PCNX2: variants seen among roughly 807,000 people sequenced by gnomAD.
The protein encoded by PCNX2 is pecanex-like protein 2.
In PCNX2, 168 loss-of-function variants were observed where a neutral mutation model predicts 223.8. The observed-to-expected ratio is 0.75, with a 90% CI of 0.66 to 0.85. The LOEUF (loss-of-function observed/expected upper bound fraction) is 0.85. Among genes scored for constraint, PCNX2 ranks in the 40% least tolerant of loss-of-function variants. The probability of loss-of-function intolerance (pLI) is 0.00; values close to 1 mark genes in which losing one functional copy is unlikely to be tolerated. For missense variants in PCNX2, 2,507 were observed against 2,675.5 expected (o/e 0.94, Z 1.39); for synonymous variants, 1,006 against 1,052.6 (o/e 0.96, Z 0.86).
rs1571865510 is a variant in PCNX2, at chr1:233,099,050, G to C, written c.3838-3187C>G. 1.3e-5 allele frequency among the ~76,000 whole-genome samples: 2 copies of C among 152,202 alleles called. 1 individual carries two copies. The highest frequency in any genetic ancestry group is 3.8e-4 in the East Asian group (2 of 5,198). On this transcript the variant is annotated intron_variant, in intron 21 of 33. Transcript: ENST00000258229. ...CAAGTCCAGGTCCTCTCATTTTTCA[G>C]AGAAGGAAACCAGGCTCAGAGAGAT...
chr1:233,244,292 C>T (rs932682459), intron 8 of PCNX2, among the ~76,000 whole-genome samples: 1 of 152,180 alleles, frequency 6.6e-6, no homozygotes, highest in Admixed American at 6.5e-5. Flanking sequence ...CGAGACAAAA[C>T]TTGTGTTCAC....
chr1:233,074,376 C>T (rs946535862), intron 23 of PCNX2, among the ~76,000 whole-genome samples: 5 of 151,934 alleles, frequency 3.3e-5, no homozygotes, highest in African/African-American at 9.7e-5. Flanking sequence ...GGGCAGATCA[C>T]GAGGTCAGGA....
the PCNX2 span, among the ~76,000 whole-genome samples, chr1:233,316,208 C>A: frequency 6.6e-6 from 1 of 152,148 alleles, no homozygotes; most frequent in South Asian, 2.1e-4. Context: ...TACAAAAATT[C>A]TAAAAATCAC....
intron 28 of PCNX2, among the ~76,000 whole-genome samples, chr1:233,009,280 C>T (rs781735898): frequency 8.5e-5 from 13 of 152,136 alleles, no homozygotes; most frequent in Non-Finnish European, 1.9e-4. Flanking sequence ...GTTATTTTCA[C>T]CCCTGAACTA....
chr1:233,042,903 A>G lies in PCNX2; in HGVS notation c.4351+11365T>C, dbSNP rs536287529. Among the ~76,000 whole-genome samples, 4 of 152,344 alleles carry G rather than the reference A, an allele frequency of 2.6e-5. No individual in the cohort carries two copies. The South Asian group carries it at 8.3e-4, about 32-fold the overall frequency. On this transcript the variant is annotated intron_variant, in intron 25 of 33. Coordinates refer to ENST00000258229, the MANE Select transcript of PCNX2 (RefSeq NM_014801.4). ...TACAAATTCCAAACAAATACCTGAAAGGAGGAATGAAAGAAGAAGGTGAAA... is the reference window on the plus strand; with the variant it reads ...TACAAATTCCAAACAAATACCTGAAGGGAGGAATGAAAGAAGAAGGTGAAA...
intron 23 of PCNX2, among the ~76,000 whole-genome samples, chr1:233,081,435 C>T (rs567792220): frequency 6.6e-5 from 10 of 152,290 alleles, no homozygotes; most frequent in Admixed American, 5.9e-4. Context: ...TTCAGAACCT[C>T]GGATGGTCAC....
In PCNX2 at chr1:233,293,876, T is replaced by C. The variant is rs900648648; in HGVS notation, c.153+1450A>G. 10 of 837,636 alleles carry C rather than the reference T, an allele frequency of 1.2e-5. No individual in the cohort carries two copies. The African/African-American group carries it at 1.7e-4, about 14-fold the overall frequency. The allele number at this position is 837,636 out of a possible 1,614,324, so 51.9% of individuals were successfully genotyped here. ...GATTTCACCCTGGTGAGGGCTGTGC[T>C]CCTCATGACTTTGCTATGCTGTCCC... On this transcript the variant is annotated intron_variant, in intron 1 of 33. Coordinates refer to ENST00000258229, the MANE Select transcript of PCNX2 (RefSeq NM_014801.4).
intron 21 of PCNX2, among the ~76,000 whole-genome samples, chr1:233,128,673 G>A (rs903488186): frequency 2.0e-5 from 3 of 152,130 alleles, no homozygotes; most frequent in Non-Finnish European, 4.4e-5. Context: ...GCCAGTGCGA[G>A]GTCATGAAAG....
rs1674130028 is a variant in PCNX2, at chr1:233,095,836, A to G, written c.3865T>C (p.Phe1289Leu). ...KLGDLLHKLQ[F>L]VLTYVAPWQM... ...CAAGGAGCCACATATGTCAGGACGA[A>G]CTGTAACTTGTGAAGCAGGTCCCCG... Residue 1289 changes from phenylalanine (F) to leucine (L), a missense_variant, in exon 22 of 34, where the codon TTC becomes CTC. This residue lies in a region of PCNX2 where 1,372 missense variants were observed against 1,509.4 expected (regional missense o/e 0.91). Transcript: ENST00000258229. 1 of 1,611,836 alleles carries G rather than the reference A, an allele frequency of 6.2e-7. No homozygotes were observed. Among genetic ancestry groups the G allele is most frequent in the African/African-American group, 1.3e-5 (1 of 75,002 alleles).
chr1:233,258,099 G>A lies in PCNX2; in HGVS notation c.1763C>T (p.Thr588Ile), dbSNP rs188886692. 16 of 1,613,984 alleles carry A rather than the reference G, an allele frequency of 9.9e-6. No individual in the cohort carries two copies. The highest frequency in any genetic ancestry group is 6.7e-5 in the African/African-American group (5 of 75,056). Residue 588 changes from threonine to isoleucine, a missense_variant, in exon 5 of 34, where the codon ACT becomes ATT. This residue lies in a region of PCNX2 where 1,031 missense variants were observed against 1,021.7 expected (regional missense o/e 1.01). Coordinates refer to ENST00000258229, the MANE Select transcript of PCNX2 (RefSeq NM_014801.4). ...TTGACTGGATGCCGTCATCTTGGAA[G>A]TATTAATGGATTCTAACAGGGAGAC... ...EFVSLLESIN[T>I]SKMTASSQLN...
intron 21 of PCNX2, among the ~76,000 whole-genome samples, chr1:233,129,663 C>T (rs193293795): frequency 3.3e-5 from 5 of 152,294 alleles, no homozygotes; most frequent in African/African-American, 7.2e-5. Context: ...GTGTCTAGCT[C>T]GGAGTTTGTG....
At chr1:233,298,834 A>G (rs1178573591), upstream of PCNX2, among the ~76,000 whole-genome samples, 1 of 152,168 alleles carries the variant, frequency 6.6e-6, no homozygotes, top group Non-Finnish European at 1.5e-5. Context: ...GTGAGCCAGG[A>G]TCATGCCACT....
At chr1:233,132,978 A>C (rs1368381315) in intron 21 of PCNX2, among the ~76,000 whole-genome samples, 1 of 147,036 alleles carries the variant, frequency 6.8e-6, no homozygotes, top group Non-Finnish European at 1.5e-5. Context: ...GGCTCACTGC[A>C]ACCTCCACCT....
At chr1:233,116,442 A>C (rs1330541463) in intron 21 of PCNX2, among the ~76,000 whole-genome samples, 1 of 152,142 alleles carries the variant, frequency 6.6e-6, no homozygotes, top group Non-Finnish European at 1.5e-5. Context: ...AAAAGAAATG[A>C]AATCATACAG....
chr1:233,091,602 G>A (rs936184659), intron 22 of PCNX2, among the ~76,000 whole-genome samples: 3 of 151,948 alleles, frequency 2.0e-5, no homozygotes, highest in African/African-American at 4.8e-5. Context: ...GCATTGTGGT[G>A]CACACCTGCA....
intron 25 of PCNX2, among the ~76,000 whole-genome samples, chr1:233,052,067 T>TCTATAG (rs1343407952): frequency 4.6e-5 from 7 of 152,198 alleles, no homozygotes; most frequent in Non-Finnish European, 1.0e-4. Context: ...GTTTTATCAC[T>TCTATAG]AGTTCCCTGT....
chr1:233,141,733 G>GTA (rs140456696), intron 19 of PCNX2, among the ~76,000 whole-genome samples: 12 of 151,038 alleles, frequency 7.9e-5, no homozygotes, highest in Admixed American at 2.6e-4. Context: ...GTGTAAATGT[G>GTA]TATATATATA....
At position 233,014,721 on chromosome 1, in the gene PCNX2, G is replaced by A; in HGVS notation, c.4896C>T (p.Ala1632=). The change falls in exon 28 of 34, where the codon GCC becomes GCT. Residue 1632 remains alanine, a synonymous_variant. Coordinates refer to ENST00000258229, the MANE Select transcript of PCNX2 (RefSeq NM_014801.4). ...GAGCTCTCCTCCCCAGGGTGCACAG[G>A]GCGAAGGACAGAGTCACCAAGGGAG... ...EDSPLVTLSF[A]LCTLGRRALG... The A allele has an allele frequency of 6.2e-7, 1 of 1,613,996 alleles. No homozygotes were observed. Among genetic ancestry groups the A allele is most frequent in the South Asian group, 1.1e-5 (1 of 91,086 alleles).
upstream of PCNX2, among the ~76,000 whole-genome samples, chr1:233,299,072 G>A (rs1662218629): frequency 6.6e-6 from 1 of 152,026 alleles, no homozygotes; most frequent in Non-Finnish European, 1.5e-5. Flanking sequence ...TAGGCCCTCA[G>A]CATGTTCAAA....
Sources: gnomAD v4.1 joint callset for allele counts (sites outside exome capture counted in the v4.1 genomes callset) on GRCh38, gnomAD v4.1.1 for gene constraint, gnomAD v4.1.1 regional missense constraint, MANE v1.5 for transcripts, NCBI Gene and HGNC (gene_info 2026-07-23, HGNC 2026-07-21) for gene names.